The following ADAMTS3 variants were observed in gnomAD, a reference collection of about 807,000 sequenced individuals.
ADAMTS3 encodes A disintegrin and metalloproteinase with thrombospondin motifs 3.
ADAMTS3 carries 73 observed loss-of-function variants against 129.0 expected under a neutral mutation model. The observed-to-expected ratio is 0.57, with a 90% CI of 0.47 to 0.69. The LOEUF (loss-of-function observed/expected upper bound fraction) is 0.69. Among genes scored for constraint, ADAMTS3 ranks in the 30% least tolerant of loss-of-function variants. The pLI is 0.00. For missense variants in ADAMTS3, 1,457 were observed against 1,514.5 expected, an observed-to-expected ratio of 0.96 and a Z score of 0.63; for synonymous variants, 477 against 510.8, an observed-to-expected ratio of 0.93 and a Z score of 0.89.
chr4:72,300,766 T>C (rs538903092), intron 17 of ADAMTS3, among the ~76,000 whole-genome samples: 3 of 152,240 alleles, frequency 2.0e-5, no homozygotes, highest in African/African-American at 7.2e-5. Flanking sequence ...GTCAGTGCCA[T>C]ATTGTGAGGA....
In ADAMTS3 at chr4:72,548,439, G is replaced by A. The variant is rs1219563302; in HGVS notation, c.504+39C>T. The A allele has an allele frequency of 2.5e-6, 4 of 1,590,100 alleles. No individual in the cohort carries two copies. The African/African-American group carries it at 4.0e-5, about 16-fold the overall frequency. On this transcript the variant is annotated intron_variant, in intron 3 of 21. Coordinates refer to ENST00000286657, the MANE Select transcript of ADAMTS3 (RefSeq NM_014243.3). ...TGCAGAAGCCATGGCTGCACTCCCA[G>A]CACCTGCAAACATACGCACAAAACA...
intron 19 of ADAMTS3, among the ~76,000 whole-genome samples, chr4:72,291,423 C>T (rs1484290967): frequency 5.0e-5 from 7 of 140,468 alleles, no homozygotes; most frequent in African/African-American, 1.6e-4. Flanking sequence ...ACAACAGTCC[C>T]CAGAGTGTGA....
At chr4:72,530,618 A>T (rs1470975933) in intron 3 of ADAMTS3, among the ~76,000 whole-genome samples, 8 of 86,828 alleles carry the variant, frequency 9.2e-5, no homozygotes, top group East Asian at 7.1e-4. Context: ...ATATTATATA[A>T]TATATATTAT....
At chr4:72,485,520 T>A (rs997367922) in intron 3 of ADAMTS3, among the ~76,000 whole-genome samples, 4 of 152,126 alleles carry the variant, frequency 2.6e-5, no homozygotes, top group Non-Finnish European at 4.4e-5. Context: ...ATTTTTTTTT[T>A]AAAGATCATT....
intron 10 of ADAMTS3, among the ~76,000 whole-genome samples, chr4:72,316,938 T>G (rs1259963757): frequency 6.6e-6 from 1 of 152,122 alleles, no homozygotes; most frequent in Non-Finnish European, 1.5e-5. Flanking sequence ...AGCACAAGAC[T>G]AGAGTCTTGG....
In ADAMTS3 at chr4:72,281,897, T is replaced by C. The variant is rs749949920; in HGVS notation, c.*1239A>G. Reference sequence around the variant, plus strand: ...TTACATCTACTCCCTGGAGAGAGCATTTCTGGCTTTGCTGTGAGCAAGGTG... The same window carrying C: ...TTACATCTACTCCCTGGAGAGAGCACTTCTGGCTTTGCTGTGAGCAAGGTG... On this transcript the variant is annotated 3_prime_UTR_variant, in exon 22 of 22. Coordinates refer to ENST00000286657, the MANE Select transcript of ADAMTS3 (RefSeq NM_014243.3). The C allele has an allele frequency of 2.0e-5, 3 of 152,192 alleles. No homozygotes were observed. The highest frequency in any genetic ancestry group is 4.4e-5 in the Non-Finnish European group (3 of 68,018). The allele number at this position is 152,192 out of a possible 1,614,324, so 9.4% of individuals were successfully genotyped here. A position where few individuals can be genotyped will look rare whatever the true frequency, so the allele number is the denominator to read the frequency against.
intron 3 of ADAMTS3, among the ~76,000 whole-genome samples, chr4:72,500,499 G>T (rs1719987540): frequency 6.6e-6 from 1 of 152,068 alleles, no homozygotes; most frequent in Non-Finnish European, 1.5e-5. Context: ...GTTCCCTATA[G>T]ATTCTGGATA....
intron 3 of ADAMTS3, among the ~76,000 whole-genome samples, chr4:72,515,505 C>T (rs1334969983): frequency 1.7e-4 from 26 of 149,152 alleles, no homozygotes; most frequent in African/African-American, 6.2e-4. Context: ...CTGTTGTTTC[C>T]TGACTTTTTA....
At chr4:72,491,492 G>C (rs1197571486) in intron 3 of ADAMTS3, among the ~76,000 whole-genome samples, 1 of 151,660 alleles carries the variant, frequency 6.6e-6, no homozygotes, top group Non-Finnish European at 1.5e-5. Context: ...ATTTTGTTAA[G>C]AGTTTTTATC....
At position 72,452,053 on chromosome 4, in the gene ADAMTS3, C is replaced by A. The variant is rs930105020; in HGVS notation, c.505-37082G>T. 4.0e-5 allele frequency among the ~76,000 whole-genome samples: 6 copies of A among 151,850 alleles called. No homozygotes were observed. The East Asian group carries it at 9.8e-4, about 25-fold the overall frequency. ...ACAATGAGCTGTGATCCTGCCACTG[C>A]ACTCCATGCACTCCAGCCTGAGTGA... On this transcript the variant is annotated intron_variant, in intron 3 of 21. Coordinates refer to ENST00000286657, the MANE Select transcript of ADAMTS3 (RefSeq NM_014243.3).
intron 12 of ADAMTS3, among the ~76,000 whole-genome samples, chr4:72,312,682 C>T (rs1423956883): frequency 2.0e-5 from 3 of 151,858 alleles, no homozygotes; most frequent in Admixed American, 1.3e-4. Flanking sequence ...CTTAAATCAG[C>T]TTTTCAAATC....
intron 15 of ADAMTS3, among the ~76,000 whole-genome samples, chr4:72,308,339 G>C (rs1719142163): frequency 6.6e-6 from 1 of 151,890 alleles, no homozygotes; most frequent in Non-Finnish European, 1.5e-5. Context: ...CCTAGTAATT[G>C]AGTTAGGTAT....
Position 72,455,990 on chromosome 4 carries a change from A to ATATATATTTTACATATAGTATATATACAG in ADAMTS3, c.505-41020_505-41019insCTGTATATATACTATATGTAAAATATATA, listed in dbSNP as rs1718570215. 5.7e-4 allele frequency among the ~76,000 whole-genome samples: 18 copies of ATATATATTTTACATATAGTATATATACAG among 31,836 alleles called. 2 individuals are homozygous for ATATATATTTTACATATAGTATATATACAG. Among genetic ancestry groups the ATATATATTTTACATATAGTATATATACAG allele is most frequent in the Non-Finnish European group, 1.0e-3 (17 of 16,770 alleles). 20.9% of individuals were successfully genotyped at this position (31,836 alleles called of 152,430 possible). On this transcript the variant is annotated intron_variant, in intron 3 of 21. Transcript: ENST00000286657. The stretch of plus-strand genomic sequence containing the variant: ...ATATTTTACATATAGTATATATACT[A>ATATATATTTTACATATAGTATATATACAG]TATATATTTTACATATAGTATATAT...
intron 3 of ADAMTS3, among the ~76,000 whole-genome samples, chr4:72,542,662 T>C (rs1221416198): frequency 6.6e-6 from 1 of 152,200 alleles, no homozygotes; most frequent in East Asian, 1.9e-4. Context: ...AAGAGACACT[T>C]GGGAGGCAAA....
At chr4:72,443,523 TC>T (rs1287136577) in intron 3 of ADAMTS3, among the ~76,000 whole-genome samples, 1 of 151,720 alleles carries the variant, frequency 6.6e-6, no homozygotes, top group Non-Finnish European at 1.5e-5. Flanking sequence ...GGCTAGATTC[TC>T]AAAAATGTTT....
intron 14 of ADAMTS3, among the ~76,000 whole-genome samples, chr4:72,309,989 G>A (rs1405822329): frequency 6.6e-6 from 1 of 151,962 alleles, no homozygotes; most frequent in Non-Finnish European, 1.5e-5. Context: ...AAGAAACACA[G>A]AATAGAAAAG....
chr4:72,470,372 T>TAC (rs1481060728), intron 3 of ADAMTS3, among the ~76,000 whole-genome samples: 25 of 144,132 alleles, frequency 1.7e-4, no homozygotes, highest in Non-Finnish European at 3.0e-4. Flanking sequence ...TATATATATA[T>TAC]ATATACACAC....
chr4:72,555,430 C>T (rs1468436811), intron 2 of ADAMTS3, among the ~76,000 whole-genome samples: 8 of 151,764 alleles, frequency 5.3e-5, no homozygotes, highest in Admixed American at 2.6e-4. Context: ...TGAATGGGGC[C>T]GCCAAGGCCT....
chr4:72,410,910 G>GT (rs1378125441), intron 4 of ADAMTS3, among the ~76,000 whole-genome samples: 4 of 152,052 alleles, frequency 2.6e-5, no homozygotes, highest in Non-Finnish European at 5.9e-5. Context: ...CCAAGTTTAT[G>GT]TTTTTTGTGT....
Sources: allele counts gnomAD v4.1 joint callset (sites outside exome capture counted in the v4.1 genomes callset), GRCh38; gene constraint gnomAD v4.1.1; transcripts MANE v1.5; gene names NCBI Gene and HGNC (gene_info 2026-07-23, HGNC 2026-07-21).